The following ARHGAP44 variants were observed in gnomAD, a reference collection of about 807,000 sequenced individuals.
The protein encoded by ARHGAP44 is Rho GTPase activating protein 44, also known as rho GTPase-activating protein 44.
A neutral mutation model predicts 106.8 loss-of-function variants in ARHGAP44; 43 were observed. That is an observed-to-expected ratio of 0.40 (90% CI 0.32 to 0.52). ARHGAP44 has a LOEUF of 0.52. Among genes scored for constraint, ARHGAP44 ranks in the 20% least tolerant of loss-of-function variants. The pLI is 0.48. For synonymous variants in ARHGAP44, 439 were observed against 410.3 expected (o/e 1.07, Z -0.85); for missense variants, 866 against 1,050.5 (o/e 0.82, Z 2.43).
At chr17:12,913,522 G>A (rs1466685511) in intron 4 of ARHGAP44, among the ~76,000 whole-genome samples, 1 of 152,044 alleles carries the variant, frequency 6.6e-6, no homozygotes, top group Non-Finnish European at 1.5e-5. Context: ...CGGAAACATA[G>A]CTAAATTCTC....
In ARHGAP44 at chr17:12,872,528, T is replaced by C. The variant is rs148281596; in HGVS notation, c.54-22412T>C. On this transcript the variant is annotated intron_variant, in intron 1 of 20. Coordinates refer to ENST00000379672, the MANE Select transcript of ARHGAP44 (RefSeq NM_014859.6). ...ATTTGACTGATAAGTTACCATAATA[T>C]GAACTTTTAGATTCAAGCGAATTTT... is the stretch of plus-strand genomic sequence containing the variant. 2.4e-4 allele frequency among the ~76,000 whole-genome samples: 37 copies of C among 152,358 alleles called. 1 individual carries two copies. The East Asian group carries it at 6.2e-3, about 25-fold the overall frequency.
intron 6 of ARHGAP44, among the ~76,000 whole-genome samples, chr17:12,923,311 A>G (rs556548740): frequency 5.5e-4 from 83 of 152,072 alleles, no homozygotes; most frequent in Non-Finnish European, 8.8e-4. Context: ...CCCAGGTTCA[A>G]GCGATTCTCC....
At chr17:12,987,008 G>C in intron 20 of ARHGAP44, 1 of 1,238,828 alleles carries the variant, frequency 8.1e-7, no homozygotes, top group Non-Finnish European at 1.1e-6. Context: ...CTGGGACTGT[G>C]ATATTGGCAT....
chr17:12,808,551 C>T (rs1237910697), intron 1 of ARHGAP44, among the ~76,000 whole-genome samples: 1 of 152,258 alleles, frequency 6.6e-6, no homozygotes, highest in Non-Finnish European at 1.5e-5. Context: ...TCTGAAGTCA[C>T]AGCCCAAGCT....
intron 16 of ARHGAP44, among the ~76,000 whole-genome samples, chr17:12,971,701 A>G (rs1425003397): frequency 1.3e-5 from 2 of 152,128 alleles, no homozygotes; most frequent in Non-Finnish European, 2.9e-5. Context: ...TTATTGGTAG[A>G]AGGTTCTCAG....
intron 1 of ARHGAP44, among the ~76,000 whole-genome samples, chr17:12,823,001 C>T (rs868587014): frequency 5.9e-5 from 9 of 152,130 alleles, no homozygotes; most frequent in African/African-American, 1.2e-4. Flanking sequence ...ACTCAGAAAT[C>T]GGCCTGGGTA....
chr17:12,964,981 C>T (rs925139840), intron 16 of ARHGAP44, among the ~76,000 whole-genome samples: 6 of 152,158 alleles, frequency 3.9e-5, no homozygotes, highest in African/African-American at 1.2e-4. Context: ...CAGTACCTTC[C>T]TCCCTACTGC....
At chr17:12,951,251 C>T (rs962824018) in intron 12 of ARHGAP44, among the ~76,000 whole-genome samples, 6 of 152,246 alleles carry the variant, frequency 3.9e-5, no homozygotes, top group African/African-American at 1.4e-4. Flanking sequence ...GACAAGAACC[C>T]TATGAAGTGG....
intron 19 of ARHGAP44, 62 bp downstream of exon 19, chr17:12,980,295 G>C: frequency 6.6e-7 from 1 of 1,515,908 alleles, no homozygotes; most frequent in Middle Eastern, 2.5e-4. Context: ...ATTCCCTGAA[G>C]GCTCGTTTTC....
chr17:12,813,154 T>C (rs1320575231), intron 1 of ARHGAP44, among the ~76,000 whole-genome samples: 1 of 152,204 alleles, frequency 6.6e-6, no homozygotes, highest in Non-Finnish European at 1.5e-5. Flanking sequence ...GTTCTGTTTC[T>C]AATCTCCTGC....
chr17:12,931,553 G>A (rs2038400066), intron 7 of ARHGAP44, among the ~76,000 whole-genome samples: 1 of 151,798 alleles, frequency 6.6e-6, no homozygotes, highest in East Asian at 1.9e-4. Flanking sequence ...CTGGAGTGCA[G>A]TGGCGGGATC....
At chr17:12,982,584 T>C (rs1458153162) in intron 19 of ARHGAP44, 1 of 152,240 alleles carries the variant, frequency 6.6e-6, no homozygotes, top group Non-Finnish European at 1.5e-5. Flanking sequence ...ACTTCCCCTG[T>C]ACTCAGGAAG....
At chr17:12,808,799 A>C (rs1276887772) in intron 1 of ARHGAP44, among the ~76,000 whole-genome samples, 2 of 152,168 alleles carry the variant, frequency 1.3e-5, no homozygotes, top group East Asian at 3.9e-4. Flanking sequence ...AGGCAGCTTG[A>C]ATTTCTCCTC....
At chr17:12,907,673 G>A (rs1415598419) in intron 3 of ARHGAP44, among the ~76,000 whole-genome samples, 1 of 152,126 alleles carries the variant, frequency 6.6e-6, no homozygotes, top group East Asian at 1.9e-4. Flanking sequence ...GCTGCATAAT[G>A]TTCCATTTTA....
chr17:12,956,786 A>G (rs1345781903), intron 15 of ARHGAP44, 40 bp downstream of exon 15: 6 of 1,578,628 alleles, frequency 3.8e-6, no homozygotes, highest in Non-Finnish European at 5.2e-6. Flanking sequence ...AGAGGCAGGG[A>G]ACAGGAGTAT....
rs371682920 is a variant in ARHGAP44, at chr17:12,835,771, C to T, written c.53+45880C>T. On this transcript the variant is annotated intron_variant, in intron 1 of 20. Coordinates refer to ENST00000379672, the MANE Select transcript of ARHGAP44 (RefSeq NM_014859.6). The stretch of plus-strand genomic sequence containing the variant: ...TTTTTCATCTTGCAACACTGGAACT[C>T]GGCACTCATTAAACAATAACTTCCC... Among the ~76,000 whole-genome samples the T allele has an allele frequency of 7.2e-5, 11 of 152,256 alleles. No homozygotes were observed. In the South Asian group the frequency reaches 1.5e-3, roughly 20 times the overall value.
rs1053326317 is a variant in ARHGAP44, at chr17:12,881,371, A to AT, written c.54-13562dup. ...TGTAGAGTAGAAACCCTATTTCTTTATTTTTTTCTCATTTGGATAAACAGT... is the reference window on the plus strand; with the variant it reads ...TGTAGAGTAGAAACCCTATTTCTTTATTTTTTTTCTCATTTGGATAAACAGT... On this transcript the variant is annotated intron_variant, in intron 1 of 20. Coordinates refer to ENST00000379672, the MANE Select transcript of ARHGAP44 (RefSeq NM_014859.6). Among the ~76,000 whole-genome samples the AT allele has an allele frequency of 5.9e-5, 9 of 151,458 alleles. 1 individual carries two copies. In the Middle Eastern group the frequency reaches 0.014, roughly 229 times the overall value.
chr17:12,880,686 TCAACTA>T (rs2036702766), intron 1 of ARHGAP44, among the ~76,000 whole-genome samples: 1 of 42,500 alleles, frequency 2.4e-5, no homozygotes, highest in Non-Finnish European at 7.9e-5. Flanking sequence ...GGTAGTGAAA[TCAACTA>T]GTGGTAGTGA....
intron 1 of ARHGAP44, among the ~76,000 whole-genome samples, chr17:12,841,637 C>CAAAAAAAAAAAAAA (rs140882682): frequency 3.6e-4 from 37 of 101,682 alleles, no homozygotes; most frequent in African/African-American, 1.3e-3. Context: ...CACACACACA[C>CAAAAAAAAAAAAAA]ACAAACAAAC....
Sources: gnomAD v4.1 joint callset for allele counts (sites outside exome capture counted in the v4.1 genomes callset) on GRCh38, gnomAD v4.1.1 for gene constraint, MANE v1.5 for transcripts, NCBI Gene and HGNC (gene_info 2026-07-23, HGNC 2026-07-21) for gene names.